Variants in DLG2 observed in about 807,000 individuals in gnomAD.
DLG2 encodes the protein disks large homolog 2.
Under a neutral mutation model 132.5 loss-of-function variants are expected in DLG2, and 45 were observed. That is an observed-to-expected ratio of 0.34 (90% CI 0.27 to 0.44). The LOEUF (loss-of-function observed/expected upper bound fraction) is 0.44, where lower values mean the gene tolerates loss of function less well. Ranked by LOEUF, DLG2 falls within the 20% of genes least tolerant of loss-of-function variation. The pLI, the probability that DLG2 is intolerant of heterozygous loss-of-function variation, is 1.00. For synonymous variants in DLG2, 424 were observed against 419.6 expected (o/e 1.01, Z -0.13); for missense variants, 1,045 against 1,196.9 (o/e 0.87, Z 1.87).
Position 84,884,893 on chromosome 11 carries a change from C to T in DLG2, c.357+226768G>A, listed in dbSNP as rs1262207503. Among the ~76,000 whole-genome samples the T allele has an allele frequency of 2.6e-5, 4 of 152,108 alleles. No homozygotes were observed. The East Asian group carries it at 5.8e-4, about 22-fold the overall frequency. ...CATGCTGAAATCATGTGCTATCCCA[C>T]TCTATGCCACAAGGAATGTAAAATG... On this transcript the variant is annotated intron_variant, in intron 6 of 27. Transcript: ENST00000376104.
At chr11:84,465,101 T>C (rs2099090676) in intron 7 of DLG2, among the ~76,000 whole-genome samples, 1 of 151,194 alleles carries the variant, frequency 6.6e-6, no homozygotes. Context: ...TAATAAACCG[T>C]CACACACTTG....
intron 6 of DLG2, among the ~76,000 whole-genome samples, chr11:84,742,007 A>C (rs2064746087): frequency 6.6e-6 from 1 of 152,104 alleles, no homozygotes; most frequent in Non-Finnish European, 1.5e-5. Context: ...TCTATAACTG[A>C]AGAATTCAAT....
At chr11:85,138,854 G>C (rs562104978) in intron 5 of DLG2, among the ~76,000 whole-genome samples, 1 of 150,632 alleles carries the variant, frequency 6.6e-6, no homozygotes, top group African/African-American at 2.5e-5. Context: ...TTCCAGTCTC[G>C]GGTATGTCTT....
chr11:84,861,744 C>G (rs1459336682), intron 6 of DLG2, among the ~76,000 whole-genome samples: 1 of 141,756 alleles, frequency 7.1e-6, no homozygotes, highest in East Asian at 2.3e-4. Flanking sequence ...CTATAAGGAA[C>G]AAAAACAAAT....
At chr11:84,824,751 T>A (rs1017384361) in intron 6 of DLG2, among the ~76,000 whole-genome samples, 1 of 151,904 alleles carries the variant, frequency 6.6e-6, no homozygotes, top group Non-Finnish European at 1.5e-5. Context: ...AGGCTGTGTA[T>A]GGTCATAGGC....
At chr11:84,561,336 C>T (rs552295490) in intron 6 of DLG2, among the ~76,000 whole-genome samples, 2 of 152,200 alleles carry the variant, frequency 1.3e-5, no homozygotes, top group African/African-American at 4.8e-5. Flanking sequence ...TAGCCTGTTA[C>T]ACCCTTTTGC....
At chr11:85,487,056 C>T (rs1009511690) in intron 3 of DLG2, among the ~76,000 whole-genome samples, 1 of 141,172 alleles carries the variant, frequency 7.1e-6, no homozygotes, top group African/African-American at 2.7e-5. Flanking sequence ...AAAAAAAAAA[C>T]AGAGATCACA....
intron 6 of DLG2, among the ~76,000 whole-genome samples, chr11:84,847,708 A>C (rs2081650268): frequency 6.6e-6 from 1 of 152,126 alleles, no homozygotes; most frequent in Non-Finnish European, 1.5e-5. Flanking sequence ...GTCTCAGAAA[A>C]ATTTGAGGCC....
intron 15 of DLG2, among the ~76,000 whole-genome samples, chr11:83,897,154 A>C (rs2071975404): frequency 6.6e-6 from 1 of 152,204 alleles, no homozygotes; most frequent in Non-Finnish European, 1.5e-5. Context: ...AGAAGCAGAG[A>C]GCCACTGCTA....
At chr11:83,597,880 C>T (rs2057893537) in intron 19 of DLG2, among the ~76,000 whole-genome samples, 1 of 152,128 alleles carries the variant, frequency 6.6e-6, no homozygotes, top group Non-Finnish European at 1.5e-5. Context: ...AATATTTGAC[C>T]TTTCAAAATA....
chr11:84,873,565 G>A (rs1455534072), intron 6 of DLG2, among the ~76,000 whole-genome samples: 2 of 152,208 alleles, frequency 1.3e-5, no homozygotes, highest in African/African-American at 4.8e-5. Context: ...AAGTAAGCAT[G>A]GAAAGCCATA....
At chr11:84,775,310 T>C (rs865928683) in intron 6 of DLG2, among the ~76,000 whole-genome samples, 1 of 152,134 alleles carries the variant, frequency 6.6e-6, no homozygotes, top group African/African-American at 2.4e-5. Context: ...AAGGGAATGC[T>C]TGTACACCTT....
chr11:85,142,426 T>G (rs759011230), intron 5 of DLG2, among the ~76,000 whole-genome samples: 7 of 151,836 alleles, frequency 4.6e-5, no homozygotes, highest in Admixed American at 4.6e-4. Flanking sequence ...GCAATTGTAT[T>G]GAATTTATTC....
At chr11:83,962,318 C>T (rs1387155377) in intron 14 of DLG2, among the ~76,000 whole-genome samples, 1 of 152,002 alleles carries the variant, frequency 6.6e-6, no homozygotes, top group African/African-American at 2.4e-5. Flanking sequence ...TTTGTAAGAA[C>T]ATGGAGAAGG....
At chr11:83,597,745 A>G (rs2057853018) in intron 19 of DLG2, among the ~76,000 whole-genome samples, 1 of 152,138 alleles carries the variant, frequency 6.6e-6, no homozygotes, top group Admixed American at 6.5e-5. Flanking sequence ...AGGCTGCACC[A>G]CTGCACTCCC....
intron 8 of DLG2, among the ~76,000 whole-genome samples, chr11:84,188,364 T>C (rs1043696858): frequency 6.6e-6 from 1 of 152,140 alleles, no homozygotes; most frequent in East Asian, 1.9e-4. Flanking sequence ...GTTTTCATGA[T>C]TGCATCTCCA....
intron 3 of DLG2, among the ~76,000 whole-genome samples, chr11:85,294,540 T>C (rs1012493922): frequency 6.6e-6 from 1 of 152,164 alleles, no homozygotes; most frequent in African/African-American, 2.4e-5. Flanking sequence ...TGTGACCTTA[T>C]GCAAGTTACT....
intron 6 of DLG2, among the ~76,000 whole-genome samples, chr11:85,038,457 AT>A (rs2061590716): frequency 6.6e-6 from 1 of 152,044 alleles, no homozygotes; most frequent in Non-Finnish European, 1.5e-5. Context: ...CTTGTGAGAA[AT>A]ACTCCGTTTA....
chr11:83,834,405 G>C (rs2055502886), intron 16 of DLG2, among the ~76,000 whole-genome samples: 1 of 152,156 alleles, frequency 6.6e-6, no homozygotes, highest in Non-Finnish European at 1.5e-5. Flanking sequence ...CCTGAAGAAG[G>C]GTGACAGCAG....
Sources: gnomAD v4.1 joint callset for allele counts (sites outside exome capture counted in the v4.1 genomes callset) on GRCh38, gnomAD v4.1.1 for gene constraint, MANE v1.5 for transcripts, NCBI Gene and HGNC (gene_info 2026-07-23, HGNC 2026-07-21) for gene names.